Variants in RIMS2 observed in about 807,000 individuals in gnomAD.
RIMS2 encodes the protein regulating synaptic membrane exocytosis 2.
A neutral mutation model predicts 174.4 loss-of-function variants in RIMS2; 59 were observed. The observed-to-expected ratio is 0.34, with a 90% CI of 0.27 to 0.42. The LOEUF is 0.42. RIMS2 is among the 10% of genes least tolerant of loss of function. RIMS2 has a pLI of 1.00. For missense variants in RIMS2, 1,620 were observed against 1,666.3 expected (o/e 0.97, Z 0.48); for synonymous variants, 606 against 572.5 (o/e 1.06, Z -0.84).
chr8:103,738,541 T>C (rs1045918240), intron 2 of RIMS2, among the ~76,000 whole-genome samples: 1 of 152,106 alleles, frequency 6.6e-6, no homozygotes, highest in Non-Finnish European at 1.5e-5. Flanking sequence ...TGGGATCTAA[T>C]TAAACTAAAG....
At chr8:104,082,184 C>T (rs191609613) in intron 19 of RIMS2, among the ~76,000 whole-genome samples, 17 of 146,916 alleles carry the variant, frequency 1.2e-4, no homozygotes, top group East Asian at 4.0e-4. Flanking sequence ...GAATAAAGGA[C>T]GGAAGGGAAA....
chr8:104,240,979 A>T (rs548716912), intron 19 of RIMS2, among the ~76,000 whole-genome samples: 2 of 152,178 alleles, frequency 1.3e-5, no homozygotes, highest in South Asian at 4.2e-4. Flanking sequence ...AGTTTGAGGA[A>T]ACTGAGTCAC....
At chr8:103,796,529 C>G (rs921525125) in intron 3 of RIMS2, among the ~76,000 whole-genome samples, 1 of 152,150 alleles carries the variant, frequency 6.6e-6, no homozygotes, top group Non-Finnish European at 1.5e-5. Flanking sequence ...TACCTCATCT[C>G]ACACCACTTT....
intron 19 of RIMS2, among the ~76,000 whole-genome samples, chr8:104,135,188 A>G (rs1219216845): frequency 1.3e-5 from 2 of 152,160 alleles, no homozygotes; most frequent in East Asian, 3.9e-4. Flanking sequence ...TAGCATGAAG[A>G]AGGTAGGTAT....
intron 19 of RIMS2, among the ~76,000 whole-genome samples, chr8:104,090,417 A>C (rs1380927660): frequency 6.6e-6 from 1 of 151,790 alleles, no homozygotes; most frequent in Non-Finnish European, 1.5e-5. Context: ...AAAAAGACAA[A>C]GGCTAGAGTA....
intron 1 of RIMS2, among the ~76,000 whole-genome samples, chr8:103,696,862 C>CAA (rs55852238): frequency 0.013 from 686 of 52,212 alleles, 24 homozygotes; most frequent in African/African-American, 0.041. Context: ...GACTTCGTCT[C>CAA]AAAAAAAAAA....
At chr8:104,167,821 G>A (rs757612463) in intron 19 of RIMS2, among the ~76,000 whole-genome samples, 1 of 152,032 alleles carries the variant, frequency 6.6e-6, no homozygotes, top group African/African-American at 2.4e-5. Context: ...TTAGATTTAA[G>A]TCTTTGATCT....
intron 6 of RIMS2, 94 bp downstream of exon 9, chr8:103,912,266 A>T (rs1182661866): frequency 7.0e-6 from 6 of 862,704 alleles, no homozygotes; most frequent in Non-Finnish European, 1.0e-5. Context: ...CCAATTTAGT[A>T]GTGTATTTTT....
At chr8:103,603,651 C>T (rs1244129176) in intron 1 of RIMS2, among the ~76,000 whole-genome samples, 1 of 148,122 alleles carries the variant, frequency 6.8e-6, no homozygotes, top group African/African-American at 2.5e-5. Context: ...ACATCCTCTC[C>T]AGCACCTGTT....
chr8:104,239,260 G>T (rs1326249227), intron 19 of RIMS2, among the ~76,000 whole-genome samples: 2 of 152,142 alleles, frequency 1.3e-5, no homozygotes, highest in African/African-American at 2.4e-5. Context: ...TTGGTCTTTT[G>T]TTTAATCAAA....
chr8:103,729,531 A>G (rs980604505), intron 2 of RIMS2, among the ~76,000 whole-genome samples: 3 of 151,524 alleles, frequency 2.0e-5, no homozygotes, highest in Non-Finnish European at 2.9e-5. Flanking sequence ...ACTTTGTTTT[A>G]TTGATCTTTT....
chr8:103,648,922 G>A (rs2096396435), intron 1 of RIMS2, among the ~76,000 whole-genome samples: 1 of 152,090 alleles, frequency 6.6e-6, no homozygotes, highest in Non-Finnish European at 1.5e-5. Flanking sequence ...TTTAATTGGG[G>A]CATTTAGCCC....
chr8:103,703,328 C>T (rs755131318), intron 2 of RIMS2, among the ~76,000 whole-genome samples: 44 of 152,110 alleles, frequency 2.9e-4, no homozygotes, highest in Non-Finnish European at 5.9e-4. Context: ...GCCTCTACCT[C>T]GCAGATTCAC....
chr8:104,074,340 G>GT (rs1323808006), intron 19 of RIMS2, among the ~76,000 whole-genome samples: 1 of 152,056 alleles, frequency 6.6e-6, no homozygotes, highest in Non-Finnish European at 1.5e-5. Context: ...ATTAAACAAG[G>GT]TTTTGGTATC....
At chr8:103,698,118 G>A (rs767038907) in intron 2 of RIMS2, among the ~76,000 whole-genome samples, 27 of 152,070 alleles carry the variant, frequency 1.8e-4, no homozygotes, top group Admixed American at 2.6e-4. Flanking sequence ...GTGGAAATTC[G>A]TTTCCCTATG....
intron 1 of RIMS2, among the ~76,000 whole-genome samples, chr8:103,642,316 A>T (rs2096247532): frequency 6.6e-6 from 1 of 152,128 alleles, no homozygotes; most frequent in Non-Finnish European, 1.5e-5. Flanking sequence ...TTCACAAATG[A>T]TGTAAACCTG....
intron 1 of RIMS2, among the ~76,000 whole-genome samples, chr8:103,680,951 G>C (rs188999372): frequency 5.9e-5 from 9 of 151,874 alleles, no homozygotes; most frequent in Non-Finnish European, 1.0e-4. Context: ...TAGTATGTTC[G>C]TCATATTTCT....
At chr8:103,701,230 T>C (rs556284171) in intron 2 of RIMS2, among the ~76,000 whole-genome samples, 2 of 152,260 alleles carry the variant, frequency 1.3e-5, no homozygotes, top group African/African-American at 4.8e-5. Context: ...ATATTTTTGC[T>C]GATTGTGGAA....
intron 19 of RIMS2, among the ~76,000 whole-genome samples, chr8:104,233,505 G>C (rs1587983326): frequency 6.6e-6 from 1 of 152,216 alleles, no homozygotes; most frequent in Non-Finnish European, 1.5e-5. Context: ...AGGAATGGCA[G>C]AGATTGACAG....
Sources: allele counts gnomAD v4.1 joint callset (sites outside exome capture counted in the v4.1 genomes callset), GRCh38; gene constraint gnomAD v4.1.1; transcripts MANE v1.5; gene names NCBI Gene and HGNC (gene_info 2026-07-23, HGNC 2026-07-21).